DAB1: variants seen among roughly 807,000 people sequenced by gnomAD.
DAB1 encodes DAB adaptor protein 1, also known as disabled homolog 1.
In DAB1, 15 loss-of-function variants were observed where a neutral mutation model predicts 64.6. The ratio of observed to expected loss-of-function variants is 0.23; its 90% CI spans 0.16 to 0.36. The LOEUF is 0.36. DAB1 is among the 10% of genes least tolerant of loss of function. The pLI, the probability that DAB1 is intolerant of heterozygous loss-of-function variation, is 1.00. For synonymous variants in DAB1, 235 were observed against 251.9 expected, an observed-to-expected ratio of 0.93 and a Z score of 0.64; for missense variants, 596 against 706.7, an observed-to-expected ratio of 0.84 and a Z score of 1.78.
At chr1:57,214,544 C>T (rs1363998106) in intron 2 of DAB1, among the ~76,000 whole-genome samples, 3 of 152,054 alleles carry the variant, frequency 2.0e-5, no homozygotes, top group African/African-American at 7.2e-5. Flanking sequence ...AAATTGTAAC[C>T]CAATAGCAAT....
chr1:57,614,874 T>C (rs1370591362), intron 7 of DAB1, among the ~76,000 whole-genome samples: 3 of 140,828 alleles, frequency 2.1e-5, no homozygotes, highest in Non-Finnish European at 4.6e-5. Flanking sequence ...CTTTCTTTTT[T>C]TTTTTTTTTT....
chr1:57,340,730 C>G (rs1252256832), intron 1 of DAB1, among the ~76,000 whole-genome samples: 1 of 152,174 alleles, frequency 6.6e-6, no homozygotes, highest in Non-Finnish European at 1.5e-5. Flanking sequence ...TTGCTCACCA[C>G]CAACCAGCCT....
At chr1:57,642,029 G>A (rs943388886) in intron 7 of DAB1, among the ~76,000 whole-genome samples, 2 of 151,910 alleles carry the variant, frequency 1.3e-5, no homozygotes, top group African/African-American at 2.4e-5. Context: ...ACTTACAAAC[G>A]CAGATAACAA....
intron 5 of DAB1, among the ~76,000 whole-genome samples, chr1:58,008,440 A>C (rs1646619068): frequency 6.6e-6 from 1 of 152,166 alleles, no homozygotes; most frequent in African/African-American, 2.4e-5. Flanking sequence ...CTAAAGAAGG[A>C]GGCAGGTGAC....
At chr1:57,945,147 T>A (rs1169487726) in intron 5 of DAB1, among the ~76,000 whole-genome samples, 2 of 152,170 alleles carry the variant, frequency 1.3e-5, no homozygotes, top group African/African-American at 4.8e-5. Flanking sequence ...ATCTATTCTC[T>A]AGCCTAAATG....
Position 57,010,753 on chromosome 1 carries a change from A to C in DAB1, c.1610T>G (p.Phe537Cys). 1.3e-6 allele frequency: 2 copies of C among 1,598,162 alleles called. No homozygotes were observed. The highest frequency in any genetic ancestry group is 8.5e-7 in the Non-Finnish European group (1 of 1,169,866). ...GSQASSNSDP[F>C]GEPSGEPSGD... is the part of the protein sequence containing the mutation. ...ACTGGGCTCCCCACTGGGCTCACCA[A>C]ATGGATCACTGTTGGATGAGGCCTG... The change falls in exon 14 of 15, where the codon TTT becomes TGT. Residue 537 changes from phenylalanine to cysteine, a missense_variant. Phe to Cys is a radical substitution (Grantham distance 205, BLOSUM62 -2). Transcript: ENST00000371236.
intron 4 of DAB1, among the ~76,000 whole-genome samples, chr1:58,170,593 C>T (rs1441655305): frequency 1.3e-5 from 2 of 152,098 alleles, no homozygotes; most frequent in African/African-American, 2.4e-5. Flanking sequence ...TTGTCATGGC[C>T]CTCAGACAAA....
At chr1:58,079,397 C>G (rs1463006268) in intron 5 of DAB1, among the ~76,000 whole-genome samples, 1 of 152,012 alleles carries the variant, frequency 6.6e-6, no homozygotes, top group Non-Finnish European at 1.5e-5. Flanking sequence ...ATCTGCCCAT[C>G]ATCAACAGCT....
chr1:58,229,430 T>C (rs1659671353), intron 4 of DAB1, among the ~76,000 whole-genome samples: 1 of 152,146 alleles, frequency 6.6e-6, no homozygotes, highest in Admixed American at 6.5e-5. Flanking sequence ...GGAGACTGCA[T>C]CTTGGAACCA....
At chr1:58,284,339 A>T (rs1661634361) in intron 4 of DAB1, among the ~76,000 whole-genome samples, 1 of 152,204 alleles carries the variant, frequency 6.6e-6, no homozygotes, top group African/African-American at 2.4e-5. Flanking sequence ...CTGCCCTTGA[A>T]TGGCTCTGCC....
intron 3 of DAB1, among the ~76,000 whole-genome samples, chr1:58,389,251 AACAT>A (rs1644457775): frequency 6.6e-6 from 1 of 152,204 alleles, no homozygotes; most frequent in Non-Finnish European, 1.5e-5. Context: ...CAGCCAGGGC[AACAT>A]ACAAAGACTC....
chr1:58,363,194 G>C (rs1255009581), intron 3 of DAB1, among the ~76,000 whole-genome samples: 1 of 152,272 alleles, frequency 6.6e-6, no homozygotes, highest in East Asian at 1.9e-4. Flanking sequence ...GGTTTGGGTT[G>C]GGAGCACAGT....
chr1:57,996,666 GA>G (rs1570194527), intron 5 of DAB1, among the ~76,000 whole-genome samples: 1 of 152,186 alleles, frequency 6.6e-6, no homozygotes, highest in East Asian at 1.9e-4. Flanking sequence ...TGAGAATAGG[GA>G]AAATTGCATC....
intron 14 of DAB1, among the ~76,000 whole-genome samples, chr1:57,000,627 CTA>C (rs2101619850): frequency 1.3e-5 from 2 of 152,266 alleles, no homozygotes; most frequent in South Asian, 4.2e-4. Context: ...TGTTTGTGTT[CTA>C]CAAGTGCAGT....
At chr1:57,951,095 T>A (rs1645266379) in intron 5 of DAB1, among the ~76,000 whole-genome samples, 2 of 152,150 alleles carry the variant, frequency 1.3e-5, no homozygotes, top group African/African-American at 4.8e-5. Context: ...AGCTGCCATG[T>A]TAACACATAA....
At chr1:58,222,001 A>C (rs1659194967) in intron 4 of DAB1, among the ~76,000 whole-genome samples, 1 of 152,244 alleles carries the variant, frequency 6.6e-6, no homozygotes, top group African/African-American at 2.4e-5. Flanking sequence ...GAAATGAAGA[A>C]GCCATATCTG....
rs113013979 is a variant in DAB1, at chr1:57,854,052, T to A, written n.88-27597A>T. Among the ~76,000 whole-genome samples, 1,020 of 152,324 alleles carry A rather than the reference T, an allele frequency of 6.7e-3. 5 individuals are homozygous for A. Among genetic ancestry groups the A allele is most frequent in the Middle Eastern group, 0.017 (5 of 294 alleles). Reference sequence around the variant, plus strand: ...TGCCTCTATGCTGCAAATACTGCACTGTTTCTACAAAAATAGACTGTTCTT... The same window carrying A: ...TGCCTCTATGCTGCAAATACTGCACAGTTTCTACAAAAATAGACTGTTCTT... On this transcript the variant is annotated intron_variant and non_coding_transcript_variant, in intron 1 of 1. Transcript: ENST00000477280.
rs1647114992 is a variant in DAB1 at position 58,040,277 on chromosome 1, T to G, written n.387+110234A>C. ...AGAAAAAAAATCTAATTTAATAACA[T>G]TGCAATCCTGTTGAAAGCATGATTA... On this transcript the variant is annotated intron_variant and non_coding_transcript_variant, in intron 5 of 20. Coordinates refer to the DAB1 transcript ENST00000485760. Among the ~76,000 whole-genome samples the G allele has an allele frequency of 3.3e-5, 5 of 152,320 alleles. No individual in the cohort carries two copies. In the South Asian group the frequency reaches 8.3e-4, roughly 25 times the overall value.
At chr1:57,849,136 G>T (rs1265825618) in intron 1 of DAB1, among the ~76,000 whole-genome samples, 1 of 152,122 alleles carries the variant, frequency 6.6e-6, no homozygotes, top group East Asian at 1.9e-4. Context: ...ATTTCTCCAA[G>T]GTGTTCATTC....
Sources: allele counts gnomAD v4.1 joint callset (sites outside exome capture counted in the v4.1 genomes callset), GRCh38; gene constraint gnomAD v4.1.1; transcripts MANE v1.5; gene names NCBI Gene and HGNC (gene_info 2026-07-23, HGNC 2026-07-21).